Variants in TONSL observed in about 807,000 individuals in gnomAD.
The protein encoded by TONSL is tonsoku like, DNA repair protein.
In TONSL, 112 loss-of-function variants were observed where a neutral mutation model predicts 147.1. That is an observed-to-expected ratio of 0.76 (90% confidence interval 0.65 to 0.89). The LOEUF is 0.89. Among genes scored for constraint, TONSL ranks in the 40% least tolerant of loss-of-function variants. The pLI, the probability that TONSL is intolerant of heterozygous loss-of-function variation, is 0.00. For missense variants in TONSL, 1,883 were observed against 1,864.6 expected (o/e 1.01, Z -0.18); for synonymous variants, 868 against 801.5 (o/e 1.08, Z -1.40).
chr8:144,444,396 G>C lies in TONSL; in HGVS notation c.19C>G (p.Leu7Val). Residue 7 changes from leucine (L) to valine (V), a missense_variant, in exon 1 of 26, where the codon CTT (leucine) becomes GTT (valine). Physicochemically the swap from Leu to Val is conservative, Grantham distance 32. Coordinates refer to ENST00000409379, the MANE Select transcript of TONSL (RefSeq NM_013432.5). Reference sequence around the variant, plus strand: ...GGGTCCCCGAGGAACTTACGGCGAAGCTCGCGCTCCAGGCTCATGCTCGGA... The same window carrying C: ...GGGTCCCCGAGGAACTTACGGCGAACCTCGCGCTCCAGGCTCATGCTCGGA... MSLERE[L>V]RQLSKAKAKA... 2 of 1,271,938 alleles carry C rather than the reference G, an allele frequency of 1.6e-6. No individual in the cohort carries two copies. The allele number at this position is 1,271,938 out of a possible 1,614,324, so 78.8% of individuals were successfully genotyped here.
At position 144,441,131 on chromosome 8, in the gene TONSL, G is replaced by T; in HGVS notation, c.866-20C>A. 6.2e-7 allele frequency: 1 copy of T among 1,611,448 alleles called. No individual in the cohort carries two copies. The highest frequency in any genetic ancestry group is 8.5e-7 in the Non-Finnish European group (1 of 1,179,350). ...CCAGCACTGCCGGGAAGAGGTTCATGCAGGGGGGCAGCACAGGGGGCCCTG... is the reference window on the plus strand; with the variant it reads ...CCAGCACTGCCGGGAAGAGGTTCATTCAGGGGGGCAGCACAGGGGGCCCTG... On this transcript the variant is annotated intron_variant, in intron 7 of 25. Coordinates refer to ENST00000409379, the MANE Select transcript of TONSL (RefSeq NM_013432.5).
At chr8:144,439,849 T>G (rs781473048) in intron 11 of TONSL, 172 bp downstream of exon 11, 118 of 556,928 alleles carry the variant, frequency 2.1e-4, no homozygotes, top group Non-Finnish European at 3.4e-4. Flanking sequence ...CGCCCCAGGC[T>G]CCCTGCGGGT....
chr8:144,443,846 G>T, intron 3 of TONSL, 36 bp downstream of exon 3: 2 of 1,540,070 alleles, frequency 1.3e-6, no homozygotes, highest in South Asian at 2.4e-5. Context: ...TCCAGAGGCC[G>T]ACCGGGCTGG....
Position 144,438,735 on chromosome 8 carries a change from T to C in TONSL, c.1481A>G (p.Glu494Gly), listed in dbSNP as rs774025936. 6.2e-7 allele frequency: 1 copy of C among 1,612,912 alleles called. No homozygotes were observed. Among genetic ancestry groups the C allele is most frequent in the Non-Finnish European group, 8.5e-7 (1 of 1,179,838 alleles). The change falls in exon 12 of 26, where the codon GAG (glutamate) becomes GGG (glycine). Residue 494 changes from glutamate to glycine, a missense_variant and splice_region_variant. Transcript: ENST00000409379. ...CGGGGTCAGGCCATCGGTGTCGTCC[T>C]CTGGAACAGAGCCAAGCCCACCCCA... ...EAGEVELSEG[E>G]DDTDGLTPQL...
chr8:144,434,938 A>T, intron 19 of TONSL, 49 bp from the exon 20 acceptor site: 1 of 1,612,086 alleles, frequency 6.2e-7, no homozygotes. Flanking sequence ...GGCTCACCTC[A>T]TCATTGCTCT....
In TONSL at chr8:144,435,977, G is replaced by C. The variant is rs760550132; in HGVS notation, c.2456C>G (p.Ala819Gly). 1.9e-6 allele frequency: 3 copies of C among 1,555,040 alleles called. No homozygotes were observed. The highest frequency in any genetic ancestry group is 1.8e-5 in the Admixed American group (1 of 56,262). The part of the protein sequence containing the change: ...GPPRGHSKAL[A>G]PQAALIPEEE... The stretch of plus-strand genomic sequence containing the variant: ...CTCCGGGATGAGCGCTGCCTGGGGG[G>C]CAAGGGCTTTGCTGTGGCCCCGCGG... Residue 819 changes from alanine (A) to glycine (G), a missense_variant, in exon 17 of 26, where the codon GCC becomes GGC. Coordinates refer to ENST00000409379, the MANE Select transcript of TONSL (RefSeq NM_013432.5).
chr8:144,432,720 A>C, intron 22 of TONSL: 1 of 391,256 alleles, frequency 2.6e-6, no homozygotes, highest in Non-Finnish European at 4.6e-6. Flanking sequence ...CCTGGGCCAC[A>C]TGCCTCTGCA....
chr8:144,443,321 G>A lies in TONSL; in HGVS notation c.265C>T (p.His89Tyr). ...GCCAGCTCCAGGTACTGGTGCTGGTGCTGAGTGTGGAAGGAAGTCACTGCT... is the reference window on the plus strand; with the variant it reads ...GCCAGCTCCAGGTACTGGTGCTGGTACTGAGTGTGGAAGGAAGTCACTGCT... ...EMEDYPAALQ[H>Y]QHQYLELAHS... is the part of the protein sequence containing the mutation. The change falls in exon 4 of 26, where the codon CAC becomes TAC. Residue 89 changes from histidine (H) to tyrosine (Y), a missense_variant and splice_region_variant. Physicochemically the swap from His to Tyr is moderately conservative, Grantham distance 83 (BLOSUM62 2). Coordinates refer to ENST00000409379, the MANE Select transcript of TONSL (RefSeq NM_013432.5). 2 of 1,547,856 alleles carry A rather than the reference G, an allele frequency of 1.3e-6. No homozygotes were observed. Among genetic ancestry groups the A allele is most frequent in the Non-Finnish European group, 1.7e-6 (2 of 1,144,970 alleles).
In TONSL at chr8:144,437,095, T is replaced by C; in HGVS notation, c.1658A>G (p.His553Arg). Residue 553 changes from histidine to arginine, a missense_variant, in exon 14 of 26, where the codon CAC (histidine) becomes CGC (arginine). Physicochemically the swap from His to Arg is conservative, Grantham distance 29. Transcript: ENST00000409379. ...RRVQDLVRQGHPLNPRDYCGW... is the reference protein window; with the variant it reads ...RRVQDLVRQGRPLNPRDYCGW... The stretch of plus-strand genomic sequence containing the variant: ...ACAGTAGTCCCGAGGGTTAAGGGGG[T>C]GGCCCTGTGACCAAGGACAGGAAGG... 6.2e-7 allele frequency: 1 copy of C among 1,612,652 alleles called. No homozygotes were observed. The highest frequency in any genetic ancestry group is 1.1e-5 in the South Asian group (1 of 91,000).
At position 144,443,907 on chromosome 8, in the gene TONSL, A is replaced by C. The variant is rs1461121465; in HGVS notation, c.239T>G (p.Met80Arg). ...HRKIGERLAEMEDYPAALQHQ... is the reference protein window; with the variant it reads ...HRKIGERLAEREDYPAALQHQ... ...CTGCAAGGCAGCCGGGTAGTCCTCC[A>C]TCTCGGCCAGGCGCTCTCCGATCTT... Residue 80 changes from methionine to arginine, a missense_variant, in exon 3 of 26, where the codon ATG (methionine) becomes AGG (arginine). Physicochemically the swap from Met to Arg is moderately conservative, Grantham distance 91. Transcript: ENST00000409379. 1.9e-6 allele frequency: 3 copies of C among 1,545,610 alleles called. No individual in the cohort carries two copies. In the East Asian group the frequency reaches 7.3e-5, roughly 38 times the overall value.
At chr8:144,435,422 C>G (rs568210354) in intron 18 of TONSL, 52 bp downstream of exon 18, 44 of 1,450,086 alleles carry the variant, frequency 3.0e-5, no homozygotes, top group Admixed American at 2.3e-4. Flanking sequence ...CACGAGCACC[C>G]TGGCATGGAG....
At position 144,429,226 on chromosome 8, in the gene TONSL, G is replaced by C. The variant is rs1554878008; in HGVS notation, c.4054C>G (p.Leu1352Val). The C allele has an allele frequency of 3.9e-6, 6 of 1,535,944 alleles. No homozygotes were observed. The highest frequency in any genetic ancestry group is 5.2e-6 in the Non-Finnish European group (6 of 1,144,862). The change falls in exon 26 of 26, where the codon CTG becomes GTG. Residue 1352 changes from leucine (L) to valine (V), a missense_variant. Leu to Val is a conservative substitution (Grantham distance 32). Coordinates refer to ENST00000409379, the MANE Select transcript of TONSL (RefSeq NM_013432.5). ...GGCCGACTGGGCTGCAGCTGGCGCAGGGCGTCCCTGTCCTCAGCGCAGAGG... is the reference window on the plus strand; with the variant it reads ...GGCCGACTGGGCTGCAGCTGGCGCACGGCGTCCCTGTCCTCAGCGCAGAGG... ...RRLCAEDRDA[L>V]RQLQPSRPGP...
rs1396173659 is a variant in TONSL at position 144,436,096 on chromosome 8, G to A, written c.2337C>T (p.Asn779=). Reference sequence around the variant, plus strand: ...TGGTGCTGGCTGTGGCTGCTTCCCTGTTGCTGGCGGGGCCAGGCGTCCAGG... The same window carrying A: ...TGGTGCTGGCTGTGGCTGCTTCCCTATTGCTGGCGGGGCCAGGCGTCCAGG... ...VAAWTPGPAS[N]REAATASTSR... is the part of the protein sequence containing the mutation. The change falls in exon 17 of 26, where the codon AAC becomes AAT. Residue 779 remains asparagine, a synonymous_variant. Coordinates refer to ENST00000409379, the MANE Select transcript of TONSL (RefSeq NM_013432.5). 2.6e-6 allele frequency: 4 copies of A among 1,565,858 alleles called. No individual in the cohort carries two copies. Among genetic ancestry groups the A allele is most frequent in the Non-Finnish European group, 3.4e-6 (4 of 1,163,072 alleles).
Position 144,444,385 on chromosome 8 carries a change from C to T in TONSL, c.25+5G>A, listed in dbSNP as rs1823830789. On this transcript the variant is annotated splice_donor_5th_base_variant and intron_variant, in intron 1 of 25. Transcript: ENST00000409379. ...CCCGGAGGAAGGGGTCCCCGAGGAA[C>T]TTACGGCGAAGCTCGCGCTCCAGGC... 1 of 1,274,216 alleles carries T rather than the reference C, an allele frequency of 7.8e-7. No individual in the cohort carries two copies. The highest frequency in any genetic ancestry group is 3.2e-5 in the East Asian group (1 of 31,680). The allele number at this position is 1,274,216 out of a possible 1,614,324, so 78.9% of individuals were successfully genotyped here. A position where few individuals can be genotyped will look rare whatever the true frequency, so the allele number is the denominator to read the frequency against.
chr8:144,439,961 C>T, intron 11 of TONSL, 60 bp downstream of exon 11: 4 of 780,426 alleles, frequency 5.1e-6, no homozygotes, highest in Non-Finnish European at 2.3e-6. Flanking sequence ...GCACAGCACA[C>T]CCCTCTCCAG....
At chr8:144,430,348 G>A in intron 25 of TONSL, 56 bp downstream of exon 25, 1 of 1,488,420 alleles carries the variant, frequency 6.7e-7, no homozygotes, top group South Asian at 1.4e-5. Context: ...CTGGGTCTCA[G>A]GCAGGTCCCT....
rs760265275 is a variant in TONSL, at chr8:144,438,494, G to A, written c.1630C>T (p.Arg544Cys). Reference protein sequence around the residue: ...HRACIEGQLRRVQDLVRQGHP... With the variant: ...HRACIEGQLRCVQDLVRQGHP... ...ACCTGCCTCACAAGGTCCTGGACGC[G>A]GCGCAGCTGGCCCTCGATGCAGGCT... The change falls in exon 13 of 26, where the codon CGC becomes TGC. Residue 544 changes from arginine to cysteine, a missense_variant. Coordinates refer to ENST00000409379, the MANE Select transcript of TONSL (RefSeq NM_013432.5). 3.1e-5 allele frequency: 50 copies of A among 1,612,888 alleles called. No homozygotes were observed. Among genetic ancestry groups the A allele is most frequent in the Admixed American group, 1.7e-4 (10 of 59,988 alleles).
chr8:144,440,016 C>G lies in TONSL; in HGVS notation c.1480+5G>C. 1.8e-6 allele frequency: 2 copies of G among 1,136,690 alleles called. No individual in the cohort carries two copies. The highest frequency in any genetic ancestry group is 1.3e-6 in the Non-Finnish European group (1 of 746,608). The allele number at this position is 1,136,690 out of a possible 1,614,324, so 70.4% of individuals were successfully genotyped here. On this transcript the variant is annotated splice_donor_5th_base_variant and intron_variant, in intron 11 of 25. Coordinates refer to ENST00000409379, the MANE Select transcript of TONSL (RefSeq NM_013432.5). ...AGGGAAATGCAAGGTGCCGCTGGCC[C>G]TCACCGCCCTCTGAGAGCTCCACCT... is the stretch of plus-strand genomic sequence containing the variant.
chr8:144,432,242 C>A (rs1554878839), intron 23 of TONSL, 43 bp downstream of exon 23: 1 of 1,601,552 alleles, frequency 6.2e-7, no homozygotes, highest in Non-Finnish European at 8.5e-7. Flanking sequence ...GGACCTTTGG[C>A]CTCTGAGGCT....
Sources: allele counts gnomAD v4.1 joint callset, GRCh38; gene constraint gnomAD v4.1.1; transcripts MANE v1.5; gene names NCBI Gene and HGNC (gene_info 2026-07-23, HGNC 2026-07-21).